ST18: variants seen among roughly 807,000 people sequenced by gnomAD.
The protein encoded by ST18 is ST18 C2H2C-type zinc finger transcription factor, also known as suppression of tumorigenicity 18 protein.
ST18 carries 50 observed loss-of-function variants against 110.0 expected under a neutral mutation model. That is an observed-to-expected ratio of 0.45 (90% CI 0.36 to 0.58). The LOEUF is 0.58. ST18 is among the 20% of genes least tolerant of loss of function. The pLI is 0.00. For synonymous variants in ST18, 461 were observed against 452.4 expected (o/e 1.02, Z -0.24); for missense variants, 1,306 against 1,280.1 (o/e 1.02, Z -0.31).
intron 8 of ST18, among the ~76,000 whole-genome samples, chr8:52,200,356 A>G (rs1229100712): frequency 6.6e-6 from 1 of 152,232 alleles, no homozygotes; most frequent in African/African-American, 2.4e-5. Flanking sequence ...ACAAGGAGGC[A>G]TTGAGCAAAA....
At chr8:52,317,193 T>C (rs2096045815) in intron 2 of ST18, among the ~76,000 whole-genome samples, 1 of 152,224 alleles carries the variant, frequency 6.6e-6, no homozygotes, top group African/African-American at 2.4e-5. Flanking sequence ...TGTGACCTTA[T>C]TTGAAAAGAG....
At chr8:52,232,532 G>A (rs995990634) in intron 2 of ST18, among the ~76,000 whole-genome samples, 8 of 152,024 alleles carry the variant, frequency 5.3e-5, no homozygotes, top group African/African-American at 1.9e-4. Flanking sequence ...TTTCCAAATG[G>A]TGCAACGTGT....
At chr8:52,385,359 G>A (rs1836200476) in intron 2 of ST18, among the ~76,000 whole-genome samples, 1 of 152,132 alleles carries the variant, frequency 6.6e-6, no homozygotes, top group South Asian at 2.1e-4. Flanking sequence ...CAGCACTTTG[G>A]GAGGCCAAGG....
Position 52,200,285 on chromosome 8 carries a change from TAAAG to T in ST18, c.86+11790_86+11793del, listed in dbSNP as rs1322266295. On this transcript the variant is annotated intron_variant, in intron 8 of 25. Coordinates refer to ENST00000689386, the MANE Select transcript of ST18 (RefSeq NM_001352837.2). ...AAAAAATAAAGCAGAAGGAGAATAA[TAAAG>T]AAGGCTGGAATAAGTGCTTGTAATT... 2.0e-5 allele frequency among the ~76,000 whole-genome samples: 3 copies of T among 152,262 alleles called. No homozygotes were observed. The East Asian group carries it at 5.8e-4, about 29-fold the overall frequency.
chr8:52,149,921 A>G lies in ST18; in HGVS notation c.1863T>C (p.Asn621=). ...GGGGTGCAGACTTGTCCAGGATTCG[A>G]TTTTTTTTCATGCTTAAGTCCAATG... The part of the protein sequence containing the change: ...NGTLDLSMKK[N]RILDKSAPLT... Residue 621 remains asparagine (N), a synonymous_variant, in exon 16 of 26, where the codon AAT becomes AAC. Coordinates refer to ENST00000689386, the MANE Select transcript of ST18 (RefSeq NM_001352837.2). 6.2e-7 allele frequency: 1 copy of G among 1,613,704 alleles called. No individual in the cohort carries two copies. Among genetic ancestry groups the G allele is most frequent in the Non-Finnish European group, 8.5e-7 (1 of 1,179,930 alleles).
intron 16 of ST18, among the ~76,000 whole-genome samples, chr8:52,146,522 T>C (rs1411442959): frequency 6.6e-6 from 1 of 152,078 alleles, no homozygotes; most frequent in Non-Finnish European, 1.5e-5. Flanking sequence ...CTTAATTTCA[T>C]ATGACCAGGA....
rs575033800 is a variant in ST18 at position 52,127,604 on chromosome 8, A to T, written c.2667-1464T>A. ...CTTCTCTCATCCTCACCCTTAAAGG[A>T]TCTACTCTGTGCAGACAACATGCCA... On this transcript the variant is annotated intron_variant, in intron 22 of 25. Coordinates refer to ENST00000689386, the MANE Select transcript of ST18 (RefSeq NM_001352837.2). 3.3e-5 allele frequency among the ~76,000 whole-genome samples: 5 copies of T among 152,330 alleles called. No homozygotes were observed. The East Asian group carries it at 5.8e-4, about 18-fold the overall frequency.
At chr8:52,192,364 A>G (rs1349052128) in intron 8 of ST18, among the ~76,000 whole-genome samples, 4 of 152,230 alleles carry the variant, frequency 2.6e-5, no homozygotes, top group Non-Finnish European at 5.9e-5. Context: ...CCAGGACCAT[A>G]TCTACCTGAG....
At position 52,172,344 on chromosome 8, in the gene ST18, C is replaced by G; in HGVS notation, c.517G>C (p.Asp173His). The change falls in exon 10 of 26, where the codon GAT (aspartate) becomes CAT (histidine). Residue 173 changes from aspartate (D) to histidine (H), a missense_variant. By Grantham distance (81) the Asp-to-His change is moderately conservative. Transcript: ENST00000689386. Reference protein sequence around the residue: ...EADECFLIHSDDGRDKIDDSQ... With the variant: ...EADECFLIHSHDGRDKIDDSQ... Reference sequence around the variant, plus strand: ...TCATCAATCTTGTCTCTTCCATCATCAGAATGAATCAGAAAGCACTCGTCT... The same window carrying G: ...TCATCAATCTTGTCTCTTCCATCATGAGAATGAATCAGAAAGCACTCGTCT... The G allele has an allele frequency of 6.2e-7, 1 of 1,614,132 alleles. No individual in the cohort carries two copies. The highest frequency in any genetic ancestry group is 1.1e-5 in the South Asian group (1 of 91,076).
chr8:52,290,503 G>T (rs550732497), intron 2 of ST18, among the ~76,000 whole-genome samples: 3 of 152,100 alleles, frequency 2.0e-5, no homozygotes, highest in African/African-American at 7.2e-5. Flanking sequence ...AAAGGTTGAC[G>T]CATACTTGCC....
At chr8:52,199,047 A>G (rs1296191561) in intron 8 of ST18, 3 of 151,174 alleles carry the variant, frequency 2.0e-5, no homozygotes, top group Admixed American at 6.6e-5. Context: ...TCCATTCACC[A>G]GTGGAGGTGG....
At chr8:52,200,592 G>A (rs185898831) in intron 8 of ST18, among the ~76,000 whole-genome samples, 49 of 152,304 alleles carry the variant, frequency 3.2e-4, no homozygotes, top group Middle Eastern at 6.8e-3. Context: ...TGACTGTCTC[G>A]TGGAGTGAAT....
chr8:52,214,889 C>T (rs2083554836), intron 6 of ST18, among the ~76,000 whole-genome samples: 1 of 152,124 alleles, frequency 6.6e-6, no homozygotes, highest in African/African-American at 2.4e-5. Flanking sequence ...TTCTCCAAAA[C>T]ATCATTATTA....
chr8:52,186,648 C>G (rs771696519), intron 8 of ST18, among the ~76,000 whole-genome samples: 1 of 152,192 alleles, frequency 6.6e-6, no homozygotes, highest in Non-Finnish European at 1.5e-5. Context: ...ATACCGGAAA[C>G]ATCGCATAGT....
chr8:52,307,990 C>T (rs191705712), intron 2 of ST18, among the ~76,000 whole-genome samples: 2 of 152,258 alleles, frequency 1.3e-5, no homozygotes, highest in South Asian at 2.1e-4. Flanking sequence ...GAAATAGAAG[C>T]ACAAAATGTT....
rs2049856798 is a variant in ST18 at position 52,132,062 on chromosome 8, T to G, written c.2562A>C (p.Gly854=). ...AKRQKENPLN[G]ASLSWKLNKQ... ...TGTTCAGTTTCCAGGAGAGGGAGGC[T>G]CCATTGAGAGGATTCTCCTTCTGTC... is the stretch of plus-strand genomic sequence containing the variant. Residue 854 remains glycine (G), a synonymous_variant, in exon 22 of 26, where the codon GGA becomes GGC. Coordinates refer to ENST00000689386, the MANE Select transcript of ST18 (RefSeq NM_001352837.2). The G allele has an allele frequency of 6.2e-7, 1 of 1,614,178 alleles. No homozygotes were observed. The highest frequency in any genetic ancestry group is 8.5e-7 in the Non-Finnish European group (1 of 1,180,036).
rs745820953 is a variant in ST18, at chr8:52,161,417, T to C, written c.1552A>G (p.Ile518Val). 9.9e-6 allele frequency: 16 copies of C among 1,614,076 alleles called. No homozygotes were observed. The highest frequency in any genetic ancestry group is 3.3e-4 in the Middle Eastern group (2 of 6,084). The change falls in exon 14 of 26, where the codon ATA (isoleucine) becomes GTA (valine). Residue 518 changes from isoleucine (I) to valine (V), a missense_variant. Coordinates refer to ENST00000689386, the MANE Select transcript of ST18 (RefSeq NM_001352837.2). ...GTTTTTCGTCCTTGCACTGTTTGTA[T>C]GAGAGGGCGTTTACCGAAAACTTGG... ...DAQVFGKRPL[I>V]QTVQGRKTPP...
At chr8:52,336,630 T>A (rs1281073015) in intron 2 of ST18, among the ~76,000 whole-genome samples, 2 of 152,178 alleles carry the variant, frequency 1.3e-5, no homozygotes, top group African/African-American at 4.8e-5. Flanking sequence ...AGCCTTCCCA[T>A]AGGTTTCCTC....
chr8:52,122,738 C>T (rs1188764496), intron 23 of ST18, among the ~76,000 whole-genome samples: 8 of 152,146 alleles, frequency 5.3e-5, no homozygotes, highest in Non-Finnish European at 7.4e-5. Context: ...CCACCCTTCT[C>T]GGCCTCCCAA....
Sources: allele counts gnomAD v4.1 joint callset (sites outside exome capture counted in the v4.1 genomes callset), GRCh38; gene constraint gnomAD v4.1.1; transcripts MANE v1.5; gene names NCBI Gene and HGNC (gene_info 2026-07-23, HGNC 2026-07-21).